The following VPS35L variants were observed in gnomAD, a reference collection of about 807,000 sequenced individuals.
The protein encoded by VPS35L is VPS35 endosomal protein sorting factor like, also known as VPS35 endosomal protein-sorting factor-like.
VPS35L carries 83 observed loss-of-function variants against 133.0 expected under a neutral mutation model. The observed-to-expected ratio is 0.62, with a 90% CI of 0.52 to 0.75. The LOEUF (loss-of-function observed/expected upper bound fraction) is 0.75, where lower values mean the gene tolerates loss of function less well. Ranked by LOEUF, VPS35L falls within the 30% of genes least tolerant of loss-of-function variation. VPS35L has a pLI of 0.00. For synonymous variants in VPS35L, 423 were observed against 449.9 expected (o/e 0.94, Z 0.76); for missense variants, 1,083 against 1,206.8 (o/e 0.90, Z 1.52).
At chr16:19,646,854 T>G (rs1234558165) in intron 23 of VPS35L, among the ~76,000 whole-genome samples, 1 of 152,070 alleles carries the variant, frequency 6.6e-6, no homozygotes, top group African/African-American at 2.4e-5. Context: ...CAGCCTCCTT[T>G]GGGAACATCC....
chr16:19,696,127 G>A (rs1300891870), intron 29 of VPS35L, among the ~76,000 whole-genome samples: 1 of 152,064 alleles, frequency 6.6e-6, no homozygotes, highest in East Asian at 1.9e-4. Context: ...CTCATGATGC[G>A]CCCGCCTCAG....
At chr16:19,570,759 A>T (rs1971335143) in intron 3 of VPS35L, among the ~76,000 whole-genome samples, 1 of 149,800 alleles carries the variant, frequency 6.7e-6, no homozygotes, top group Non-Finnish European at 1.5e-5. Context: ...AACAAGTCAC[A>T]TCCAAGCTGG....
At chr16:19,612,692 C>T (rs954504620) in intron 12 of VPS35L, among the ~76,000 whole-genome samples, 2 of 152,184 alleles carry the variant, frequency 1.3e-5, no homozygotes, top group Non-Finnish European at 2.9e-5. Context: ...GTCTCTTCTG[C>T]AAATAATTCT....
At chr16:19,586,426 G>T (rs1306497553) in intron 7 of VPS35L, among the ~76,000 whole-genome samples, 1 of 152,056 alleles carries the variant, frequency 6.6e-6, no homozygotes, top group African/African-American at 2.4e-5. Context: ...TGCAACCTCC[G>T]CTTCCTGGGT....
In VPS35L at chr16:19,626,691, G is replaced by A. The variant is rs2151564193; in HGVS notation, c.1271+468G>A. 1.3e-5 allele frequency among the ~76,000 whole-genome samples: 2 copies of A among 152,068 alleles called. 1 individual carries two copies. The highest frequency in any genetic ancestry group is 4.2e-4 in the South Asian group (2 of 4,816). On this transcript the variant is annotated intron_variant, in intron 15 of 30. Coordinates refer to ENST00000417362, the MANE Select transcript of VPS35L (RefSeq NM_020314.7). ...GCAGGAGAATTGCTTGAACCCGGGA[G>A]GCAGAGGTTTCAGTGAGCCGAGATC... is the stretch of plus-strand genomic sequence containing the variant.
intron 14 of VPS35L, among the ~76,000 whole-genome samples, chr16:19,622,162 T>TTA (rs1567431316): frequency 2.2e-5 from 3 of 137,094 alleles, no homozygotes; most frequent in South Asian, 2.2e-4. Flanking sequence ...TTTTTTTTTT[T>TTA]AAGACGGAGT....
intron 14 of VPS35L, among the ~76,000 whole-genome samples, chr16:19,624,764 G>A (rs1179730494): frequency 1.3e-5 from 2 of 152,030 alleles, no homozygotes; most frequent in Non-Finnish European, 2.9e-5. Context: ...TCCCATTTTT[G>A]CCACTTATTA....
chr16:19,678,055 T>C (rs1284021518), intron 27 of VPS35L, among the ~76,000 whole-genome samples: 1 of 152,216 alleles, frequency 6.6e-6, no homozygotes, highest in Non-Finnish European at 1.5e-5. Context: ...CCAGCCGCCA[T>C]GCTCACTGCC....
chr16:19,601,526 C>A, intron 8 of VPS35L, 138 bp from the exon 9 acceptor site: 2 of 751,768 alleles, frequency 2.7e-6, no homozygotes, highest in East Asian at 2.8e-5. Context: ...AAAATCTGTC[C>A]CACCAGGTGG....
intron 27 of VPS35L, among the ~76,000 whole-genome samples, chr16:19,673,759 T>C (rs1265985311): frequency 6.6e-6 from 1 of 151,906 alleles, no homozygotes; most frequent in Non-Finnish European, 1.5e-5. Flanking sequence ...TTCCTGGGAG[T>C]CCTCCACCCA....
At chr16:19,563,472 A>G (rs1021934542) in intron 1 of VPS35L, among the ~76,000 whole-genome samples, 1 of 152,140 alleles carries the variant, frequency 6.6e-6, no homozygotes, top group African/African-American at 2.4e-5. Flanking sequence ...TTGGTTTTGG[A>G]AAAGTTTCAC....
At chr16:19,630,998 G>C (rs1973440140) in intron 18 of VPS35L, among the ~76,000 whole-genome samples, 1 of 151,882 alleles carries the variant, frequency 6.6e-6, no homozygotes, top group Non-Finnish European at 1.5e-5. Flanking sequence ...GACAGAGTGA[G>C]ACTCTGTCTC....
chr16:19,691,462 C>T lies in VPS35L; in HGVS notation c.2637C>T (p.Ala879=). The T allele has an allele frequency of 6.2e-7, 1 of 1,613,396 alleles. No homozygotes were observed. Among genetic ancestry groups the T allele is most frequent in the South Asian group, 1.1e-5 (1 of 91,056 alleles). ...AQILEHLKTL[A]KDEALKRQSS... is the part of the protein sequence containing the mutation. ...TCCTAGAGCATCTGAAAACCCTGGC[C>T]AAGGACGAGGTGGGTGCCCTCTGCT... The change falls in exon 29 of 31, where the codon GCC becomes GCT. Residue 879 remains alanine, a synonymous_variant. Transcript: ENST00000417362.
At chr16:19,588,151 T>C (rs1390352806) in intron 7 of VPS35L, among the ~76,000 whole-genome samples, 5 of 123,458 alleles carry the variant, frequency 4.0e-5, no homozygotes, top group Non-Finnish European at 6.5e-5. Context: ...TGAAACTGGG[T>C]AATATAAGTA....
At chr16:19,693,687 G>A (rs1457354554) in intron 29 of VPS35L, among the ~76,000 whole-genome samples, 1 of 152,152 alleles carries the variant, frequency 6.6e-6, no homozygotes, top group Non-Finnish European at 1.5e-5. Context: ...GGGAGGCTGA[G>A]GCAGAAGAAT....
chr16:19,612,170 C>G (rs569219504), intron 12 of VPS35L, among the ~76,000 whole-genome samples: 14 of 152,120 alleles, frequency 9.2e-5, no homozygotes, highest in Admixed American at 1.3e-4. Flanking sequence ...ATCTCTTGAC[C>G]TCATGATCCG....
chr16:19,619,004 C>T (rs557843187), intron 14 of VPS35L, among the ~76,000 whole-genome samples: 5 of 151,114 alleles, frequency 3.3e-5, no homozygotes, highest in Admixed American at 6.6e-5. Context: ...AATCTCGGCT[C>T]GCTACAACCT....
chr16:19,621,329 A>AG (rs1183339801), intron 14 of VPS35L, among the ~76,000 whole-genome samples: 5 of 152,110 alleles, frequency 3.3e-5, no homozygotes, highest in Admixed American at 1.3e-4. Flanking sequence ...GGAAGTTGGG[A>AG]GGGGGGGACA....
intron 5 of VPS35L, among the ~76,000 whole-genome samples, chr16:19,575,927 G>A (rs113975387): frequency 0.037 from 5,294 of 141,932 alleles, 312 homozygotes; most frequent in African/African-American, 0.13. Flanking sequence ...AGGCCAAGGC[G>A]GGCAGATCAC....
Sources: gnomAD v4.1 joint callset for allele counts (sites outside exome capture counted in the v4.1 genomes callset) on GRCh38, gnomAD v4.1.1 for gene constraint, MANE v1.5 for transcripts, NCBI Gene and HGNC (gene_info 2026-07-23, HGNC 2026-07-21) for gene names.